NAPEPLD: variants seen among roughly 807,000 people sequenced by gnomAD.
NAPEPLD encodes N-acyl-phosphatidylethanolamine-hydrolyzing phospholipase D.
NAPEPLD carries 23 observed loss-of-function variants against 38.1 expected under a neutral mutation model. The observed-to-expected ratio is 0.60, with a 90% CI of 0.43 to 0.86. The LOEUF is 0.86. Ranked by LOEUF, NAPEPLD falls within the 40% of genes least tolerant of loss-of-function variation. The pLI is 0.00. For synonymous variants in NAPEPLD, 147 were observed against 162.0 expected (o/e 0.91, Z 0.71); for missense variants, 411 against 476.8 (o/e 0.86, Z 1.28).
At chr7:103,133,305 T>C (rs1452340488) in intron 1 of NAPEPLD, among the ~76,000 whole-genome samples, 4 of 152,192 alleles carry the variant, frequency 2.6e-5, no homozygotes, top group African/African-American at 4.8e-5. Flanking sequence ...CTGCCATCCA[T>C]GACAGATGTT....
At position 103,149,009 on chromosome 7, in the gene NAPEPLD, C is replaced by G. The variant is rs1474383621; in HGVS notation, c.-215G>C. The G allele has an allele frequency of 1.0e-6, 1 of 985,306 alleles. No individual in the cohort carries two copies. The highest frequency in any genetic ancestry group is 1.2e-6 in the Non-Finnish European group (1 of 829,940). 61.0% of individuals were successfully genotyped at this position (985,306 alleles called of 1,614,324 possible). A position where few individuals can be genotyped will look rare whatever the true frequency, so the allele number is the denominator to read the frequency against. On this transcript the variant is annotated 5_prime_UTR_variant, in exon 1 of 5. Transcript: ENST00000465647. ...CTGTCGCTCACAAGTGCGGCATCTC[C>G]GAGATGAGGGAGGGCTCGGGGACGG...
At chr7:103,144,664 G>A (rs1314411934) in intron 1 of NAPEPLD, among the ~76,000 whole-genome samples, 1 of 151,540 alleles carries the variant, frequency 6.6e-6, no homozygotes, top group Non-Finnish European at 1.5e-5. Flanking sequence ...CAGGTAGGAG[G>A]ATCAACATAT....
chr7:103,125,825 T>TG (rs1807643212), intron 2 of NAPEPLD, among the ~76,000 whole-genome samples: 1 of 151,678 alleles, frequency 6.6e-6, no homozygotes, highest in Non-Finnish European at 1.5e-5. Flanking sequence ...AGGCAGAGGT[T>TG]GCAGTGAGCC....
In NAPEPLD at chr7:103,148,928, C is replaced by T; in HGVS notation, c.-134G>A. ...ATAATGCTGTGGCTCTTCACCGAGG[C>T]AGCTTCAGAGATGCAGGCTCCGCAA... is the stretch of plus-strand genomic sequence containing the variant. On this transcript the variant is annotated 5_prime_UTR_variant, in exon 1 of 5. Transcript: ENST00000465647. 1 of 985,426 alleles carries T rather than the reference C, an allele frequency of 1.0e-6. No homozygotes were observed. The highest frequency in any genetic ancestry group is 1.2e-6 in the Non-Finnish European group (1 of 829,938). The allele number at this position is 985,426 out of a possible 1,614,324, so 61.0% of individuals were successfully genotyped here. A position where few individuals can be genotyped will look rare whatever the true frequency, so the allele number is the denominator to read the frequency against.
At position 103,120,080 on chromosome 7, in the gene NAPEPLD, C is replaced by T. The variant is rs373616514; in HGVS notation, c.438G>A (p.Thr146=). 5 of 1,614,032 alleles carry T rather than the reference C, an allele frequency of 3.1e-6. No homozygotes were observed. Among genetic ancestry groups the T allele is most frequent in the Admixed American group, 3.3e-5 (2 of 59,982 alleles). The change falls in exon 3 of 5, where the codon ACG becomes ACA. Residue 146 remains threonine (T), a synonymous_variant. Coordinates refer to ENST00000465647, the MANE Select transcript of NAPEPLD (RefSeq NM_001122838.3). ...AAGCACGAGAGCTAAAGATGGGATC[C>T]GTGAGAAATATGAGCTCATCCATTT... The part of the protein sequence containing the change: ...MVEMDELIFL[T]DPIFSSRASP...
At position 103,123,850 on chromosome 7, in the gene NAPEPLD, G is replaced by T. The variant is rs1585861181; in HGVS notation, c.295-3627C>A. On this transcript the variant is annotated intron_variant, in intron 2 of 4. Transcript: ENST00000465647. Reference sequence around the variant, plus strand: ...GGGTCCAGGTTGGGAGAATAAGGGGGTATGAATTTCAAAAGGACACAAGGA... The same window carrying T: ...GGGTCCAGGTTGGGAGAATAAGGGGTTATGAATTTCAAAAGGACACAAGGA... Among the ~76,000 whole-genome samples, 3 of 152,246 alleles carry T rather than the reference G, an allele frequency of 2.0e-5. No homozygotes were observed. In the East Asian group the frequency reaches 5.8e-4, roughly 29 times the overall value.
chr7:103,119,482 A>G, intron 3 of NAPEPLD, 95 bp downstream of exon 3: 1 of 1,392,728 alleles, frequency 7.2e-7, no homozygotes, highest in Non-Finnish European at 9.6e-7. Flanking sequence ...CATTAAAATC[A>G]TAAATTACAG....
intron 4 of NAPEPLD, among the ~76,000 whole-genome samples, chr7:103,105,305 G>A (rs956465581): frequency 1.3e-5 from 2 of 152,094 alleles, no homozygotes; most frequent in Non-Finnish European, 2.9e-5. Context: ...GAGCATTCTG[G>A]ATCCATTAGG....
chr7:103,114,757 T>TG (rs1805232472), intron 4 of NAPEPLD, among the ~76,000 whole-genome samples: 1 of 152,236 alleles, frequency 6.6e-6, no homozygotes, highest in Non-Finnish European at 1.5e-5. Context: ...TGAGACATGA[T>TG]GGCTTGCTTT....
chr7:103,108,411 G>A (rs1031021652), intron 4 of NAPEPLD, among the ~76,000 whole-genome samples: 1 of 152,146 alleles, frequency 6.6e-6, no homozygotes, highest in Non-Finnish European at 1.5e-5. Flanking sequence ...AAAGTGCTGG[G>A]ATTACAGGCG....
intron 2 of NAPEPLD, among the ~76,000 whole-genome samples, chr7:103,126,466 G>A (rs530166658): frequency 1.3e-5 from 2 of 152,254 alleles, no homozygotes; most frequent in Non-Finnish European, 2.9e-5. Context: ...CTAAAGTTAG[G>A]CTTGCTCTTT....
intron 4 of NAPEPLD, among the ~76,000 whole-genome samples, chr7:103,113,151 A>G (rs1804862576): frequency 6.6e-6 from 1 of 152,218 alleles, no homozygotes; most frequent in African/African-American, 2.4e-5. Context: ...AATATACATA[A>G]TGGAATATGT....
chr7:103,134,749 C>T (rs1809689102), intron 1 of NAPEPLD, among the ~76,000 whole-genome samples: 1 of 152,150 alleles, frequency 6.6e-6, no homozygotes, highest in African/African-American at 2.4e-5. Context: ...AGGACATTCT[C>T]TACATTTTTT....
rs1422947537 is a variant in NAPEPLD, at chr7:103,128,748, A to G, written c.29T>C (p.Leu10Pro). The G allele has an allele frequency of 1.9e-6, 3 of 1,613,134 alleles. No individual in the cohort carries two copies. The highest frequency in any genetic ancestry group is 4.5e-5 in the East Asian group (2 of 44,872). MDENESNQSLMTSSQYPKEA... is the reference protein window; with the variant it reads MDENESNQSPMTSSQYPKEA... ...TTTAGGATATTGGCTGCTTGTCATC[A>G]GAGACTGGTTGCTTTCATTTTCATC... Residue 10 changes from leucine to proline, a missense_variant, in exon 2 of 5, where the codon CTG becomes CCG. Transcript: ENST00000465647.
At chr7:103,111,205 A>G (rs898804334) in intron 4 of NAPEPLD, among the ~76,000 whole-genome samples, 2 of 152,228 alleles carry the variant, frequency 1.3e-5, no homozygotes, top group Non-Finnish European at 2.9e-5. Context: ...TATAGAGTCA[A>G]TGCTACCCCC....
chr7:103,106,368 C>A (rs1333232082), intron 4 of NAPEPLD, among the ~76,000 whole-genome samples: 3 of 151,144 alleles, frequency 2.0e-5, no homozygotes, highest in Admixed American at 6.6e-5. Flanking sequence ...TTTTTTCATA[C>A]CCCAGTGGCA....
chr7:103,148,188 A>C, intron 1 of NAPEPLD: 20 of 757,680 alleles, frequency 2.6e-5, no homozygotes, highest in South Asian at 6.0e-5. Flanking sequence ...ACTGCATCTC[A>C]GGAATGACTT....
intron 3 of NAPEPLD, among the ~76,000 whole-genome samples, chr7:103,118,572 G>A (rs913834898): frequency 6.6e-6 from 1 of 152,176 alleles, no homozygotes; most frequent in Admixed American, 6.5e-5. Flanking sequence ...ATGTATTAGA[G>A]AAATACTTGT....
chr7:103,128,916 CT>C, intron 1 of NAPEPLD, 124 bp from the exon 2 acceptor site: 1 of 1,019,328 alleles, frequency 9.8e-7, no homozygotes, highest in Non-Finnish European at 1.4e-6. Context: ...TCTGTATTAG[CT>C]GAAACTTTCT....
Sources: gnomAD v4.1 joint callset for allele counts (sites outside exome capture counted in the v4.1 genomes callset) on GRCh38, gnomAD v4.1.1 for gene constraint, MANE v1.5 for transcripts, NCBI Gene and HGNC (gene_info 2026-07-23, HGNC 2026-07-21) for gene names.